The following FAF1 variants were observed in gnomAD, a reference collection of about 807,000 sequenced individuals.
FAF1 encodes Fas associated factor 1, also known as FAS-associated factor 1.
A neutral mutation model predicts 92.5 loss-of-function variants in FAF1; 25 were observed. The ratio of observed to expected loss-of-function variants is 0.27; its 90% CI spans 0.20 to 0.38. FAF1 has a LOEUF of 0.38. FAF1 is among the 10% of genes least tolerant of loss of function. FAF1 has a pLI of 1.00. For missense variants in FAF1, 636 were observed against 793.3 expected, an observed-to-expected ratio of 0.80 and a Z score of 2.38; for synonymous variants, 234 against 273.2, an observed-to-expected ratio of 0.86 and a Z score of 1.42.
At chr1:50,493,029 A>C (rs1646857497) in intron 15 of FAF1, among the ~76,000 whole-genome samples, 1 of 149,194 alleles carries the variant, frequency 6.7e-6, no homozygotes, top group Non-Finnish European at 1.5e-5. Flanking sequence ...TAAAGGATTA[A>C]ACTTCTTTTT....
intron 6 of FAF1, among the ~76,000 whole-genome samples, chr1:50,714,537 C>G (rs538898447): frequency 2.6e-5 from 4 of 151,946 alleles, no homozygotes; most frequent in East Asian, 3.9e-4. Context: ...AAAACCAAAA[C>G]AAACAAACAA....
At chr1:50,651,557 C>G (rs147485794) in intron 8 of FAF1, among the ~76,000 whole-genome samples, 1 of 152,268 alleles carries the variant, frequency 6.6e-6, no homozygotes, top group African/African-American at 2.4e-5. Context: ...CTTTTAATGA[C>G]CTTTATAACC....
chr1:50,764,400 G>T lies in FAF1; in HGVS notation c.368-19625C>A, dbSNP rs188857835. Among the ~76,000 whole-genome samples the T allele has an allele frequency of 2.3e-3, 355 of 152,270 alleles. 1 individual carries two copies. The highest frequency in any genetic ancestry group is 8.3e-3 in the African/African-American group (346 of 41,552). ...CTATTCAGCCAAAGATTTGCAGAAAGCATCATTCAGATACCTGCATGTTTC... is the reference window on the plus strand; with the variant it reads ...CTATTCAGCCAAAGATTTGCAGAAATCATCATTCAGATACCTGCATGTTTC... On this transcript the variant is annotated intron_variant, in intron 4 of 18. Coordinates refer to ENST00000396153, the MANE Select transcript of FAF1 (RefSeq NM_007051.3).
intron 1 of FAF1, among the ~76,000 whole-genome samples, chr1:50,942,910 T>A (rs1469603434): frequency 6.6e-6 from 1 of 152,148 alleles, no homozygotes; most frequent in Non-Finnish European, 1.5e-5. Context: ...TAAGCATACC[T>A]GACCTTTGCT....
chr1:50,649,351 A>T (rs1163212820), intron 8 of FAF1, among the ~76,000 whole-genome samples: 2 of 151,480 alleles, frequency 1.3e-5, no homozygotes, highest in Admixed American at 6.6e-5. Flanking sequence ...GGGTTTCTCC[A>T]TGTTGGTCAG....
intron 4 of FAF1, among the ~76,000 whole-genome samples, chr1:50,758,173 C>G (rs1338765129): frequency 6.6e-6 from 1 of 152,210 alleles, no homozygotes; most frequent in Non-Finnish European, 1.5e-5. Flanking sequence ...CCACCTTGGC[C>G]TCCCAAAGTG....
intron 2 of FAF1, among the ~76,000 whole-genome samples, chr1:50,836,189 T>TTTTTTTTTTTTTTTTTTTTG (rs1553144967): frequency 6.8e-6 from 1 of 146,808 alleles, no homozygotes; most frequent in African/African-American, 2.6e-5. Flanking sequence ...TTTTTTTTTT[T>TTTTTTTTTTTTTTTTTTTTG]AGACAGGGTC....
intron 2 of FAF1, among the ~76,000 whole-genome samples, chr1:50,802,707 C>CA (rs1347827411): frequency 6.6e-6 from 1 of 152,130 alleles, no homozygotes; most frequent in Non-Finnish European, 1.5e-5. Flanking sequence ...AACAAACAAA[C>CA]AACAACATAA....
At chr1:50,931,049 C>T (rs1031800821) in intron 1 of FAF1, among the ~76,000 whole-genome samples, 1 of 152,144 alleles carries the variant, frequency 6.6e-6, no homozygotes, top group African/African-American at 2.4e-5. Flanking sequence ...CCTAGAGAAG[C>T]ATCTTTATAT....
chr1:50,654,066 T>C (rs1654997390), intron 8 of FAF1, among the ~76,000 whole-genome samples: 1 of 152,228 alleles, frequency 6.6e-6, no homozygotes, highest in Non-Finnish European at 1.5e-5. Flanking sequence ...GTTTACATTG[T>C]AATTAGATTC....
intron 7 of FAF1, among the ~76,000 whole-genome samples, chr1:50,697,700 T>C (rs1173165010): frequency 6.6e-6 from 1 of 152,142 alleles, no homozygotes; most frequent in African/African-American, 2.4e-5. Context: ...TACTCTACTG[T>C]CTGGTCACGC....
chr1:50,877,832 G>C (rs549064906), intron 1 of FAF1, among the ~76,000 whole-genome samples: 1 of 152,256 alleles, frequency 6.6e-6, no homozygotes, highest in African/African-American at 2.4e-5. Flanking sequence ...CTAAATCAGA[G>C]ACAAGGAGCC....
intron 18 of FAF1, among the ~76,000 whole-genome samples, chr1:50,445,906 G>A (rs1646222002): frequency 6.6e-6 from 1 of 152,200 alleles, no homozygotes; most frequent in Non-Finnish European, 1.5e-5. Context: ...TGGGACAGGT[G>A]TTCTTTGCCA....
chr1:50,649,912 C>T (rs183554363), intron 8 of FAF1, among the ~76,000 whole-genome samples: 3 of 151,544 alleles, frequency 2.0e-5, no homozygotes, highest in Admixed American at 2.0e-4. Flanking sequence ...TTGCAGTGAG[C>T]CAAGACCATG....
In FAF1 at chr1:50,851,465, G is replaced by A. The variant is rs79922538; in HGVS notation, c.114+6464C>T. ...ATGAAGCCTCTAAATTGGTTTTCCC[G>A]CTGTGAGCTGAATCCCTATTTCATT... On this transcript the variant is annotated intron_variant, in intron 2 of 18. Coordinates refer to ENST00000396153, the MANE Select transcript of FAF1 (RefSeq NM_007051.3). Among the ~76,000 whole-genome samples the A allele has an allele frequency of 3.4e-3, 514 of 152,166 alleles. 1 individual carries two copies. Among genetic ancestry groups the A allele is most frequent in the African/African-American group, 0.012 (491 of 41,500 alleles).
intron 1 of FAF1, among the ~76,000 whole-genome samples, chr1:50,875,701 T>A (rs1157377746): frequency 6.6e-6 from 1 of 152,096 alleles, no homozygotes; most frequent in Admixed American, 6.6e-5. Context: ...TCCACCCCCC[T>A]CGGCCTTCCA....
At chr1:50,493,109 T>C (rs960660506) in intron 15 of FAF1, among the ~76,000 whole-genome samples, 4 of 151,210 alleles carry the variant, frequency 2.6e-5, no homozygotes, top group African/African-American at 9.8e-5. Flanking sequence ...CTCCACTCAC[T>C]GCACCTTCAG....
chr1:50,731,314 A>G (rs2124473620), intron 6 of FAF1, among the ~76,000 whole-genome samples: 1 of 152,076 alleles, frequency 6.6e-6, no homozygotes, highest in South Asian at 2.1e-4. Context: ...CTGAGGTACT[A>G]GAAGTCCAAT....
chr1:50,885,149 G>T (rs1452969684), intron 1 of FAF1, among the ~76,000 whole-genome samples: 1 of 151,958 alleles, frequency 6.6e-6, no homozygotes, highest in Admixed American at 6.6e-5. Context: ...ATTTATTTGG[G>T]TCTTCTGTCT....
Sources: gnomAD v4.1 joint callset for allele counts (sites outside exome capture counted in the v4.1 genomes callset) on GRCh38, gnomAD v4.1.1 for gene constraint, MANE v1.5 for transcripts, NCBI Gene and HGNC (gene_info 2026-07-23, HGNC 2026-07-21) for gene names.